The following UBR3 variants were observed in gnomAD, a reference collection of about 807,000 sequenced individuals.
UBR3 encodes E3 ubiquitin-protein ligase UBR3.
A neutral mutation model predicts 243.2 loss-of-function variants in UBR3; 85 were observed. The observed-to-expected ratio is 0.35, with a 90% CI of 0.29 to 0.42. The LOEUF (loss-of-function observed/expected upper bound fraction) is 0.42, where lower values mean the gene tolerates loss of function less well. Ranked by LOEUF, UBR3 falls within the 10% of genes least tolerant of loss-of-function variation. The probability of loss-of-function intolerance (pLI) is 1.00; values close to 1 mark genes in which losing one functional copy is unlikely to be tolerated. For synonymous variants in UBR3, 748 were observed against 799.8 expected (o/e 0.94, Z 1.09); for missense variants, 1,686 against 2,300.8 (o/e 0.73, Z 5.47).
Position 170,051,885 on chromosome 2 carries a change from C to T in UBR3, c.4661-3575C>T, listed in dbSNP as rs75800457. On this transcript the variant is annotated intron_variant, in intron 32 of 38. Transcript: ENST00000272793. ...AGTTCTTCTACTGTCTCATTTCCTA[C>T]TCATTTTCAGGCTCTTTTTAAATGA... Among the ~76,000 whole-genome samples, 583 of 152,250 alleles carry T rather than the reference C, an allele frequency of 3.8e-3. 1 individual carries two copies. The highest frequency in any genetic ancestry group is 0.027 in the Middle Eastern group (8 of 294).
intron 31 of UBR3, among the ~76,000 whole-genome samples, chr2:170,036,012 C>G (rs1279074803): frequency 1.3e-5 from 2 of 150,264 alleles, no homozygotes; most frequent in Non-Finnish European, 3.0e-5. Context: ...GTATATTAAT[C>G]TTGTGTCCTG....
chr2:170,075,223 G>A (rs1458341034), intron 36 of UBR3, among the ~76,000 whole-genome samples: 2 of 151,916 alleles, frequency 1.3e-5, no homozygotes, highest in Non-Finnish European at 2.9e-5. Flanking sequence ...GGAAATTCAA[G>A]TTAATTGAAT....
At position 170,069,995 on chromosome 2, in the gene UBR3, TTATTTTTTAAAAAAA is replaced by T. The variant is rs557033275; in HGVS notation, c.5020-3425_5020-3411del. Among the ~76,000 whole-genome samples, 7 of 152,296 alleles carry T rather than the reference TTATTTTTTAAAAAAA, an allele frequency of 4.6e-5. No homozygotes were observed. In the South Asian group the frequency reaches 1.5e-3, roughly 32 times the overall value. On this transcript the variant is annotated intron_variant, in intron 35 of 38. Coordinates refer to ENST00000272793, the MANE Select transcript of UBR3 (RefSeq NM_172070.4). ...TTATTATATTATTTGTATTTTATTG[TTATTTTTTAAAAAAA>T]TATTTTTGATGTATGGCTGGTTGAG...
intron 31 of UBR3, among the ~76,000 whole-genome samples, chr2:170,038,966 G>A (rs2105430124): frequency 6.6e-6 from 1 of 152,152 alleles, no homozygotes; most frequent in Admixed American, 6.5e-5. Context: ...TATACAAGCG[G>A]AAGTAATGGA....
At chr2:169,875,731 T>TTC in intron 2 of UBR3, 60 bp from the exon 3 acceptor site, 1 of 1,354,796 alleles carries the variant, frequency 7.4e-7, no homozygotes, top group Non-Finnish European at 9.8e-7. Context: ...ACTGTTATTT[T>TTC]TAGTAAGATA....
chr2:170,014,988 A>C, intron 29 of UBR3: 1 of 199,058 alleles, frequency 5.0e-6, no homozygotes. Flanking sequence ...TTTTTTTCTT[A>C]AGGCCTAGTT....
At chr2:169,881,876 TAG>T (rs2083858051) in intron 5 of UBR3, among the ~76,000 whole-genome samples, 1 of 134,192 alleles carries the variant, frequency 7.5e-6, no homozygotes, top group Non-Finnish European at 1.5e-5. Context: ...TGTATACATA[TAG>T]GTATATGTGT....
intron 7 of UBR3, among the ~76,000 whole-genome samples, 174 bp downstream of exon 7, chr2:169,895,485 T>C (rs957287729): frequency 6.6e-6 from 1 of 152,262 alleles, no homozygotes; most frequent in African/African-American, 2.4e-5. Context: ...GTCTTAGCTT[T>C]GTGGCAAAGC....
intron 20 of UBR3, among the ~76,000 whole-genome samples, chr2:169,944,581 G>A (rs548366623): frequency 1.3e-5 from 2 of 152,034 alleles, no homozygotes; most frequent in East Asian, 3.9e-4. Context: ...TTGACATTGC[G>A]TTGGCAAGTC....
At chr2:170,022,910 A>G (rs1001544366) in intron 30 of UBR3, among the ~76,000 whole-genome samples, 1 of 151,876 alleles carries the variant, frequency 6.6e-6, no homozygotes, top group Admixed American at 6.6e-5. Flanking sequence ...CTGTTCCCAG[A>G]CCTCATTTAA....
In UBR3 at chr2:170,083,331, C is replaced by A. The variant is rs1389944594; in HGVS notation, c.*1488C>A. On this transcript the variant is annotated 3_prime_UTR_variant, in exon 39 of 39. Transcript: ENST00000272793. ...TTCAGAAAGTCAAAAGATTACCTATCGTTCTACAATAAAATACATGGAAAT... is the reference window on the plus strand; with the variant it reads ...TTCAGAAAGTCAAAAGATTACCTATAGTTCTACAATAAAATACATGGAAAT... The A allele has an allele frequency of 6.6e-6, 1 of 152,518 alleles. No individual in the cohort carries two copies. The highest frequency in any genetic ancestry group is 6.5e-5 in the Admixed American group (1 of 15,276). 9.4% of individuals were successfully genotyped at this position (152,518 alleles called of 1,614,324 possible). A position where few individuals can be genotyped will look rare whatever the true frequency, so the allele number is the denominator to read the frequency against.
Position 169,924,011 on chromosome 2 carries a change from A to G in UBR3, c.1932+17A>G. Reference sequence around the variant, plus strand: ...TTGAGTAAGGTAAGACTGTCATTAAACAATTCTGTTCTTTTTTTTTTAATT... The same window carrying G: ...TTGAGTAAGGTAAGACTGTCATTAAGCAATTCTGTTCTTTTTTTTTTAATT... On this transcript the variant is annotated intron_variant, in intron 12 of 38. Coordinates refer to ENST00000272793, the MANE Select transcript of UBR3 (RefSeq NM_172070.4). 6.5e-7 allele frequency: 1 copy of G among 1,532,226 alleles called. No individual in the cohort carries two copies. Among genetic ancestry groups the G allele is most frequent in the Non-Finnish European group, 8.8e-7 (1 of 1,141,422 alleles). The allele number at this position is 1,532,226 out of a possible 1,614,324, so 94.9% of individuals were successfully genotyped here. A position where few individuals can be genotyped will look rare whatever the true frequency, so the allele number is the denominator to read the frequency against.
At chr2:169,838,499 A>G (rs1224476133) in intron 1 of UBR3, among the ~76,000 whole-genome samples, 2 of 149,734 alleles carry the variant, frequency 1.3e-5, no homozygotes, top group Non-Finnish European at 3.0e-5. Flanking sequence ...GAAGAGGGCA[A>G]ACAGGGCCTA....
intron 1 of UBR3, among the ~76,000 whole-genome samples, chr2:169,837,393 T>C (rs1328666825): frequency 6.6e-6 from 1 of 152,244 alleles, no homozygotes; most frequent in East Asian, 1.9e-4. Flanking sequence ...AGAGAATTGC[T>C]TGAACCTGGG....
intron 1 of UBR3, among the ~76,000 whole-genome samples, chr2:169,828,940 G>C (rs2081837389): frequency 6.6e-6 from 1 of 152,174 alleles, no homozygotes; most frequent in African/African-American, 2.4e-5. Flanking sequence ...ACAGAGAGTT[G>C]GTACATGTAG....
In UBR3 at chr2:170,081,984, T is replaced by C; in HGVS notation, c.*141T>C. 5.5e-6 allele frequency: 3 copies of C among 541,628 alleles called. No homozygotes were observed. The highest frequency in any genetic ancestry group is 3.5e-5 in the Admixed American group (1 of 28,176). 33.6% of individuals were successfully genotyped at this position (541,628 alleles called of 1,614,324 possible). A position where few individuals can be genotyped will look rare whatever the true frequency, so the allele number is the denominator to read the frequency against. On this transcript the variant is annotated 3_prime_UTR_variant, in exon 39 of 39. Transcript: ENST00000272793. Reference sequence around the variant, plus strand: ...ATACATTATGAAGCCTTTCCAAAATTAGGTGCTTGGTAATCACGTTAATGG... The same window carrying C: ...ATACATTATGAAGCCTTTCCAAAATCAGGTGCTTGGTAATCACGTTAATGG...
intron 30 of UBR3, among the ~76,000 whole-genome samples, chr2:170,025,858 C>T (rs1315262624): frequency 6.6e-6 from 1 of 152,118 alleles, no homozygotes; most frequent in Non-Finnish European, 1.5e-5. Context: ...AAAGGAAATT[C>T]ACTCAAGTAA....
intron 28 of UBR3, 39 bp from the exon 29 acceptor site, chr2:170,008,765 G>A: frequency 1.0e-6 from 1 of 996,514 alleles, no homozygotes; most frequent in Non-Finnish European, 1.5e-6. Flanking sequence ...TAAAGAAAGT[G>A]AATATAAACT....
intron 36 of UBR3, among the ~76,000 whole-genome samples, chr2:170,078,867 G>A (rs902228286): frequency 4.6e-5 from 7 of 152,152 alleles, no homozygotes; most frequent in African/African-American, 1.4e-4. Context: ...ATTACAGAAT[G>A]CCATCCTTGG....
Sources: allele counts gnomAD v4.1 joint callset (sites outside exome capture counted in the v4.1 genomes callset), GRCh38; gene constraint gnomAD v4.1.1; transcripts MANE v1.5; gene names NCBI Gene and HGNC (gene_info 2026-07-23, HGNC 2026-07-21).